STK26: variants seen among roughly 807,000 people sequenced by gnomAD.
STK26 encodes the protein serine/threonine kinase 26.
A neutral mutation model predicts 34.7 loss-of-function variants in STK26; 14 were observed. That is an observed-to-expected ratio of 0.40 (90% confidence interval 0.27 to 0.63). The LOEUF is 0.63. STK26 is among the 30% of genes least tolerant of loss of function. STK26 has a pLI of 0.38. For missense variants in STK26, 226 were observed against 309.1 expected, an observed-to-expected ratio of 0.73 and a Z score of 2.02; for synonymous variants, 100 against 109.8, an observed-to-expected ratio of 0.91 and a Z score of 0.56.
At chrX:132,044,921 CAT>C (rs200342934) in intron 2 of STK26, among the ~76,000 whole-genome samples, 12 of 100,982 alleles carry the variant, frequency 1.2e-4, no homozygotes, top group East Asian at 9.4e-4. Context: ...TATAGAGAAA[CAT>C]ATATATATGT....
intron 2 of STK26, among the ~76,000 whole-genome samples, chrX:132,037,769 CT>C (rs755403402): frequency 0.07 from 3,612 of 51,820 alleles, 97 homozygotes; most frequent in African/African-American, 0.11. Context: ...CGGAGAGCTG[CT>C]TTTTTTTTTT....
chrX:132,038,061 G>A (rs1259744553), intron 2 of STK26, among the ~76,000 whole-genome samples: 1 of 110,355 alleles, frequency 9.1e-6, no homozygotes, highest in Non-Finnish European at 1.9e-5. Flanking sequence ...TGGAGGCTGC[G>A]ATGTAAACCC....
chrX:132,041,569 T>G (rs1196849941), intron 2 of STK26, among the ~76,000 whole-genome samples: 1 of 110,641 alleles, frequency 9.0e-6, no homozygotes, highest in Admixed American at 9.7e-5. Flanking sequence ...TTAAGAAACT[T>G]TGTCATTTAT....
In STK26 at chrX:132,072,957, C is replaced by A. The variant is rs1459258018; in HGVS notation, c.1090C>A (p.Leu364Ile). 2 of 1,207,633 alleles carry A rather than the reference C, an allele frequency of 1.7e-6. No homozygotes were observed. Among genetic ancestry groups the A allele is most frequent in the Non-Finnish European group, 2.2e-6 (2 of 894,000 alleles). ...SMIITPAFAE[L>I]KQQDENNASR... is the part of the protein sequence containing the mutation. Reference sequence around the variant, plus strand: ...TGTTTTAACTATTATTCTTTCTCAGCTTAAACAGCAGGACGAGAATAACGC... The same window carrying A: ...TGTTTTAACTATTATTCTTTCTCAGATTAAACAGCAGGACGAGAATAACGC... Residue 364 changes from leucine to isoleucine, a missense_variant and splice_region_variant, in exon 11 of 12, where the codon CTT becomes ATT. By Grantham distance (5) the Leu-to-Ile change is conservative (BLOSUM62 2). This residue lies in a region of STK26 where 126 missense variants were observed against 132.4 expected (regional missense o/e 0.95). Coordinates refer to ENST00000394334, the MANE Select transcript of STK26 (RefSeq NM_016542.4).
chrX:132,053,691 G>T (rs1926762194), intron 2 of STK26, among the ~76,000 whole-genome samples: 1 of 111,620 alleles, frequency 9.0e-6, no homozygotes, highest in Admixed American at 9.5e-5. Flanking sequence ...CAAAGTTTTT[G>T]ATTAATAAAG....
chrX:132,053,877 T>G (rs936101887), intron 2 of STK26, among the ~76,000 whole-genome samples: 9 of 112,212 alleles, frequency 8.0e-5, no homozygotes, highest in African/African-American at 2.9e-4. Context: ...AACAGTGAAT[T>G]TATAAATCTA....
At chrX:132,051,907 C>T (rs5933054) in intron 2 of STK26, among the ~76,000 whole-genome samples, 9,883 of 110,129 alleles carry the variant, frequency 0.09, 382 homozygotes, top group Non-Finnish European at 0.11. Flanking sequence ...CATCCATGTC[C>T]TTGAAAAGGA....
chrX:132,065,649 GA>G (rs753284270), intron 4 of STK26, among the ~76,000 whole-genome samples: 7 of 112,222 alleles, frequency 6.2e-5, no homozygotes, highest in Non-Finnish European at 1.3e-4. Context: ...TTCAATGAAT[GA>G]AAAATGTTGT....
intron 2 of STK26, among the ~76,000 whole-genome samples, chrX:132,034,120 A>G (rs993577614): frequency 9.9e-6 from 1 of 100,948 alleles, no homozygotes; most frequent in Non-Finnish European, 2.0e-5. Context: ...ACATATATAT[A>G]TATATATAAA....
At chrX:132,042,481 CTTAGG>C (rs1926301963) in intron 2 of STK26, among the ~76,000 whole-genome samples, 1 of 110,733 alleles carries the variant, frequency 9.0e-6, no homozygotes. Flanking sequence ...AATAGTTCTT[CTTAGG>C]TTAGGTTTTC....
At chrX:132,052,367 C>G (rs937584960) in intron 2 of STK26, among the ~76,000 whole-genome samples, 12 of 111,446 alleles carry the variant, frequency 1.1e-4, no homozygotes, top group African/African-American at 3.9e-4. Flanking sequence ...ATCTTGTTTT[C>G]ATAGTTCCCT....
intron 2 of STK26, among the ~76,000 whole-genome samples, chrX:132,036,901 C>T (rs1282250117): frequency 1.3e-4 from 15 of 111,621 alleles, no homozygotes; most frequent in Non-Finnish European, 2.6e-4. Flanking sequence ...ATAAACTATA[C>T]TAATAGTAGT....
chrX:132,030,667 G>T (rs1569326044), intron 2 of STK26, among the ~76,000 whole-genome samples: 1 of 104,533 alleles, frequency 9.6e-6, no homozygotes, highest in Non-Finnish European at 2.0e-5. Flanking sequence ...TGGTTCTACT[G>T]TTTTTTTTTT....
intron 2 of STK26, among the ~76,000 whole-genome samples, chrX:132,044,627 T>TTCTCTCTCTC (rs202173059): frequency 2.3e-5 from 1 of 43,101 alleles, no homozygotes; most frequent in Admixed American, 2.4e-4. Context: ...GATGTTCAAA[T>TTCTCTCTCTC]TCTCTCTCTC....
chrX:132,068,804 G>C (rs1196113145), intron 6 of STK26, among the ~76,000 whole-genome samples: 1 of 110,541 alleles, frequency 9.0e-6, no homozygotes, highest in African/African-American at 3.3e-5. Flanking sequence ...TCCTTTCTGT[G>C]ACATATAAAG....
At chrX:132,026,278 C>T (rs972248859) in intron 2 of STK26, among the ~76,000 whole-genome samples, 1 of 111,780 alleles carries the variant, frequency 8.9e-6, no homozygotes, top group Admixed American at 9.4e-5. Context: ...AAAGAAAACC[C>T]AGGATTTCGT....
chrX:132,056,524 C>T (rs1926864023), intron 3 of STK26, among the ~76,000 whole-genome samples: 1 of 111,531 alleles, frequency 9.0e-6, no homozygotes, highest in East Asian at 2.8e-4. Flanking sequence ...TGCTAGGGTC[C>T]CCCCAGTCTC....
At chrX:132,058,867 T>A (rs1208016014) in intron 3 of STK26, among the ~76,000 whole-genome samples, 1 of 111,263 alleles carries the variant, frequency 9.0e-6, no homozygotes, top group African/African-American at 3.3e-5. Flanking sequence ...CTGGCTTATG[T>A]TGATTATTTG....
chrX:132,068,094 G>T, intron 4 of STK26, 121 bp from the exon 5 acceptor site: 1 of 478,840 alleles, frequency 2.1e-6, no homozygotes, highest in Non-Finnish European at 3.3e-6. Context: ...ATATTGGTTT[G>T]ATAAACAGAA....
Sources: allele counts gnomAD v4.1 joint callset (sites outside exome capture counted in the v4.1 genomes callset), GRCh38; gene constraint gnomAD v4.1.1; regional missense constraint gnomAD v4.1.1; transcripts MANE v1.5; gene names NCBI Gene and HGNC (gene_info 2026-07-23, HGNC 2026-07-21).